The following RINL variants were observed in gnomAD, a reference collection of about 807,000 sequenced individuals.
RINL encodes the protein ras and Rab interactor-like protein.
In RINL, 39 loss-of-function variants were observed where a neutral mutation model predicts 58.1. That is an observed-to-expected ratio of 0.67 (90% CI 0.52 to 0.88). The LOEUF (loss-of-function observed/expected upper bound fraction) is 0.88. Ranked by LOEUF, RINL falls within the 40% of genes least tolerant of loss-of-function variation. RINL has a pLI of 0.00. For synonymous variants in RINL, 286 were observed against 323.1 expected (o/e 0.89, Z 1.23); for missense variants, 711 against 749.2 (o/e 0.95, Z 0.60).
At position 38,870,700 on chromosome 19, in the gene RINL, C is replaced by A; in HGVS notation, c.894G>T (p.Pro298=). The A allele has an allele frequency of 6.2e-7, 1 of 1,613,564 alleles. No individual in the cohort carries two copies. The highest frequency in any genetic ancestry group is 8.5e-7 in the Non-Finnish European group (1 of 1,179,896). ...GCACATCCTGAAGCAGCTCCGTGGC[C>A]GGGTCCCCAGACCCGTGGGGACCCC... ...DSGGPHGSGD[P]ATELLQDVRH... Residue 298 remains proline (P), a synonymous_variant, in exon 8 of 12, where the codon CCG becomes CCT. Transcript: ENST00000591812. This position sits in a 1 kb window ranked among gnomAD's most constrained non-coding sequence, Gnocchi z 5.8.
chr19:38,876,148 C>T (rs758110441), intron 3 of RINL, among the ~76,000 whole-genome samples, 183 bp downstream of exon 3: 1 of 151,534 alleles, frequency 6.6e-6, no homozygotes, highest in Non-Finnish European at 1.5e-5. Context: ...CCGCCTTGAC[C>T]TCCTGAGCTC....
At chr19:38,871,951 A>G in intron 4 of RINL, 81 bp from the exon 5 acceptor site, 1 of 1,055,560 alleles carries the variant, frequency 9.5e-7, no homozygotes, top group Non-Finnish European at 1.4e-6. Flanking sequence ...TTGCTCCTCC[A>G]TTCCTTCAGA....
intron 6 of RINL, 197 bp from the exon 7 acceptor site, chr19:38,871,424 A>G: frequency 1.5e-6 from 1 of 689,108 alleles, no homozygotes; most frequent in Non-Finnish European, 2.4e-6. Flanking sequence ...CGGGACCCCC[A>G]GTTCCTTCCT....
chr19:38,871,283 C>A (rs1972809637), intron 6 of RINL, 56 bp from the exon 7 acceptor site: 2 of 1,591,326 alleles, frequency 1.3e-6, no homozygotes, highest in South Asian at 2.2e-5. Context: ...CAACCCTGGT[C>A]CCCTCAAGGC....
In RINL at chr19:38,870,560, C is replaced by T. The variant is rs771543780; in HGVS notation, c.1024+10G>A. 3.2e-6 allele frequency: 5 copies of T among 1,544,042 alleles called. No homozygotes were observed. The highest frequency in any genetic ancestry group is 4.4e-6 in the Non-Finnish European group (5 of 1,145,716). On this transcript the variant is annotated intron_variant, in intron 8 of 11. Transcript: ENST00000591812. This position sits in a 1 kb window ranked among gnomAD's most constrained non-coding sequence, Gnocchi z 5.8. ...AACCCGTGGGGGCTCCCTTCCAGTC[C>T]TCCCATTACCTGGATCCTCGTCCTT...
Position 38,869,637 on chromosome 19 carries a change from C to T in RINL, c.1410G>A (p.Gly470=), listed in dbSNP as rs34006460. The T allele has an allele frequency of 4.2e-5, 67 of 1,613,814 alleles. No individual in the cohort carries two copies. Among genetic ancestry groups the T allele is most frequent in the Non-Finnish European group, 5.5e-5 (65 of 1,179,998 alleles). Residue 470 remains glycine, a synonymous_variant, in exon 10 of 12, where the codon GGG becomes GGA. Transcript: ENST00000591812. The surrounding 1 kb of genome is among the most constrained non-coding windows in gnomAD (Gnocchi z 5.7). ...TEELIWSPDI[G]DTQLDVEFLM... Reference sequence around the variant, plus strand: ...GAAACTCTACGTCCAGCTGCGTGTCCCCAATGTCCGGGCTCCAGATGAGTT... The same window carrying T: ...GAAACTCTACGTCCAGCTGCGTGTCTCCAATGTCCGGGCTCCAGATGAGTT...
At chr19:38,875,050 G>A (rs1448917624) in intron 3 of RINL, among the ~76,000 whole-genome samples, 3 of 151,552 alleles carry the variant, frequency 2.0e-5, no homozygotes, top group Non-Finnish European at 4.4e-5. Flanking sequence ...CAGGAGAATC[G>A]CTTGAACCCG....
At chr19:38,874,441 T>G (rs1480499117) in intron 3 of RINL, among the ~76,000 whole-genome samples, 1 of 152,014 alleles carries the variant, frequency 6.6e-6, no homozygotes, top group Non-Finnish European at 1.5e-5. Context: ...CCCGGCTAAG[T>G]TTTTGTATTT....
rs552773393 is a variant in RINL at position 38,875,225 on chromosome 19, T to C, written c.210+1106A>G. 5.8e-3 allele frequency among the ~76,000 whole-genome samples: 863 copies of C among 149,332 alleles called. 8 individuals are homozygous for C. Among genetic ancestry groups the C allele is most frequent in the Middle Eastern group, 0.01 (3 of 292 alleles). On this transcript the variant is annotated intron_variant, in intron 3 of 11. Transcript: ENST00000591812. Reference sequence around the variant, plus strand: ...TTTTTTTCTTTTTTCTTTTTTTTTTTTTTTTAATAGAGACTGGGCCTTGCT... The same window carrying C: ...TTTTTTTCTTTTTTCTTTTTTTTTTCTTTTTAATAGAGACTGGGCCTTGCT...
At chr19:38,874,328 A>G (rs151088448) in intron 3 of RINL, among the ~76,000 whole-genome samples, 2,726 of 151,846 alleles carry the variant, frequency 0.018, 41 homozygotes, top group Middle Eastern at 0.031. Context: ...GCTGGAGTGC[A>G]GTGGCACAAT....
In RINL at chr19:38,870,011, C is replaced by G. The variant is rs768327473; in HGVS notation, c.1274G>C (p.Arg425Pro). ...CACCTCCAAGAGGAGCGCCACCTTG[C>G]GGCGCGGGGCGCAGGCAGCGTGGAG... ...AHLHAACAPR[R>P]KVALLLEVCR... The change falls in exon 9 of 12, where the codon CGC becomes CCC. Residue 425 changes from arginine to proline, a missense_variant. By Grantham distance (103) the Arg-to-Pro change is moderately radical. Transcript: ENST00000591812. This position sits in a 1 kb window ranked among gnomAD's most constrained non-coding sequence, Gnocchi z 5.8. 6.3e-7 allele frequency: 1 copy of G among 1,580,712 alleles called. No individual in the cohort carries two copies. The highest frequency in any genetic ancestry group is 1.8e-5 in the Admixed American group (1 of 55,488).
chr19:38,876,363 C>A lies in RINL; in HGVS notation c.178G>T (p.Ala60Ser), dbSNP rs754601875. The A allele has an allele frequency of 7.9e-5, 122 of 1,536,034 alleles. No homozygotes were observed. The highest frequency in any genetic ancestry group is 1.0e-4 in the Non-Finnish European group (119 of 1,146,914). The change falls in exon 3 of 12, where the codon GCG (alanine) becomes TCG (serine). Residue 60 changes from alanine to serine, a missense_variant. By Grantham distance (99) the Ala-to-Ser change is moderately conservative. Coordinates refer to ENST00000591812, the MANE Select transcript of RINL (RefSeq NM_001195833.2). ...GGCCACAGCCCCACAAGGGCCTCCG[C>A]ATCCTGGGTATCCAGCTCTGGCACA... Reference protein sequence around the residue: ...WHVPELDTQDAEALVGLWPLG... With the variant: ...WHVPELDTQDSEALVGLWPLG...
Position 38,873,882 on chromosome 19 carries a change from T to C in RINL, c.313+4A>G. 6.6e-7 allele frequency: 1 copy of C among 1,518,430 alleles called. No individual in the cohort carries two copies. The highest frequency in any genetic ancestry group is 8.8e-7 in the Non-Finnish European group (1 of 1,130,840). The allele number at this position is 1,518,430 out of a possible 1,614,324, so 94.1% of individuals were successfully genotyped here. A position where few individuals can be genotyped will look rare whatever the true frequency, so the allele number is the denominator to read the frequency against. On this transcript the variant is annotated splice_donor_region_variant and intron_variant, in intron 4 of 11. Coordinates refer to ENST00000591812, the MANE Select transcript of RINL (RefSeq NM_001195833.2). Reference sequence around the variant, plus strand: ...GGGCTGGAACCTCAGGGGAGGTGCCTTACCTCTGGGAATCTTCTGGATCTG... The same window carrying C: ...GGGCTGGAACCTCAGGGGAGGTGCCCTACCTCTGGGAATCTTCTGGATCTG...
chr19:38,869,139 C>T lies in RINL; in HGVS notation c.1666G>A (p.Ala556Thr), dbSNP rs1972736859. Residue 556 changes from alanine to threonine, a missense_variant, in exon 12 of 12, where the codon GCA (alanine) becomes ACA (threonine). By Grantham distance (58) the Ala-to-Thr change is moderately conservative. Coordinates refer to ENST00000591812, the MANE Select transcript of RINL (RefSeq NM_001195833.2). The surrounding 1 kb of genome is among the most constrained non-coding windows in gnomAD (Gnocchi z 5.7). The part of the protein sequence containing the change: ...QANLPFKEPW[A>T]EETVTGTSDN ...CTGGTCCCTGTCACAGTCTCTTCTG[C>T]CCATGGCTCCTTAAAGGGCAGGTTG... is the stretch of plus-strand genomic sequence containing the variant. 3 of 1,613,118 alleles carry T rather than the reference C, an allele frequency of 1.9e-6. No individual in the cohort carries two copies. The highest frequency in any genetic ancestry group is 3.3e-5 in the Admixed American group (2 of 59,966).
Position 38,871,864 on chromosome 19 carries a change from G to A in RINL, c.320C>T (p.Ser107Phe), listed in dbSNP as rs1972823767. The A allele has an allele frequency of 6.2e-7, 1 of 1,613,668 alleles. No individual in the cohort carries two copies. The highest frequency in any genetic ancestry group is 2.2e-5 in the East Asian group (1 of 44,880). The change falls in exon 5 of 12, where the codon TCC (serine) becomes TTC (phenylalanine). Residue 107 changes from serine (S) to phenylalanine (F), a missense_variant. Transcript: ENST00000591812. ...CATGCAGAGGTTGGAGGATTCCAGG[G>A]ACACACCTGTGGTGGGGGGAGGAAG... is the stretch of plus-strand genomic sequence containing the variant. ...YQIQKIPRGV[S>F]LESSNLCMPD...
At chr19:38,874,822 G>A (rs1247763801) in intron 3 of RINL, among the ~76,000 whole-genome samples, 1 of 152,072 alleles carries the variant, frequency 6.6e-6, no homozygotes, top group Non-Finnish European at 1.5e-5. Flanking sequence ...GGCTGTATAC[G>A]TCCCAAGAGA....
chr19:38,870,505 A>T lies in RINL; in HGVS notation c.1024+65T>A. On this transcript the variant is annotated intron_variant, in intron 8 of 11. Coordinates refer to ENST00000591812, the MANE Select transcript of RINL (RefSeq NM_001195833.2). This position sits in a 1 kb window ranked among gnomAD's most constrained non-coding sequence, Gnocchi z 5.8. ...TGGGTGCAGAAGGAAACGTGTGCGC[A>T]CCGATGGAGAGGACGAAGTTGCACA... 6.8e-7 allele frequency: 1 copy of T among 1,477,826 alleles called. No individual in the cohort carries two copies. The highest frequency in any genetic ancestry group is 9.0e-7 in the Non-Finnish European group (1 of 1,111,282). 91.5% of individuals were successfully genotyped at this position (1,477,826 alleles called of 1,614,324 possible).
rs968874728 is a variant in RINL at position 38,868,981 on chromosome 19, T to G, written c.*123A>C. 10 of 813,108 alleles carry G rather than the reference T, an allele frequency of 1.2e-5. No individual in the cohort carries two copies. The South Asian group carries it at 1.5e-4, about 12-fold the overall frequency. The allele number at this position is 813,108 out of a possible 1,614,324, so 50.4% of individuals were successfully genotyped here. On this transcript the variant is annotated 3_prime_UTR_variant, in exon 12 of 12. Transcript: ENST00000591812. ...GCTAATTTTTGTTTTTTTTTTTTTT[T>G]GGTAGATGGGGGTCCCACTGTTTTG...
chr19:38,876,776 T>C lies in RINL; in HGVS notation c.-34A>G, dbSNP rs1183086140. 1 of 1,526,782 alleles carries C rather than the reference T, an allele frequency of 6.5e-7. No individual in the cohort carries two copies. The highest frequency in any genetic ancestry group is 1.7e-4 in the Middle Eastern group (1 of 5,978). 94.6% of individuals were successfully genotyped at this position (1,526,782 alleles called of 1,614,324 possible). On this transcript the variant is annotated 5_prime_UTR_variant, in exon 2 of 12. Coordinates refer to ENST00000591812, the MANE Select transcript of RINL (RefSeq NM_001195833.2). ...TGCAGGAAGCCAGTGAGTCATGACC[T>C]GGCCTCTGGCAGGGAGAAAGGTAAG...
Sources: allele counts gnomAD v4.1 joint callset (sites outside exome capture counted in the v4.1 genomes callset), GRCh38; gene constraint gnomAD v4.1.1; non-coding constraint Gnocchi (gnomAD v3.1); transcripts MANE v1.5; gene names NCBI Gene and HGNC (gene_info 2026-07-23, HGNC 2026-07-21).